The following LUZP2 variants were observed in gnomAD, a reference collection of about 807,000 sequenced individuals.
LUZP2 encodes leucine zipper protein 2.
In LUZP2, 52 loss-of-function variants were observed where a neutral mutation model predicts 51.6. The observed-to-expected ratio is 1.01, with a 90% confidence interval of 0.81 to 1.27. The LOEUF is 1.27. Among genes scored for constraint, LUZP2 ranks in the 50% most tolerant of loss-of-function variants. The pLI is 0.00. For missense variants in LUZP2, 436 were observed against 395.4 expected, an observed-to-expected ratio of 1.10 and a Z score of -0.87; for synonymous variants, 154 against 137.3, an observed-to-expected ratio of 1.12 and a Z score of -0.85.
intron 1 of LUZP2, among the ~76,000 whole-genome samples, chr11:24,682,801 C>T (rs1014237161): frequency 4.0e-5 from 6 of 151,696 alleles, no homozygotes; most frequent in Admixed American, 2.6e-4. Flanking sequence ...ATCAAGAGAT[C>T]GAGACCATCC....
intron 5 of LUZP2, among the ~76,000 whole-genome samples, chr11:24,818,358 T>G (rs900202761): frequency 4.6e-5 from 7 of 152,098 alleles, no homozygotes; most frequent in African/African-American, 1.7e-4. Context: ...CTGCTGGGCA[T>G]ATTTTGTTTC....
intron 7 of LUZP2, among the ~76,000 whole-genome samples, chr11:24,922,470 A>G (rs1196101348): frequency 6.6e-6 from 1 of 152,152 alleles, no homozygotes; most frequent in Non-Finnish European, 1.5e-5. Flanking sequence ...ATTTTTGTGC[A>G]TCTGTCTCAT....
chr11:24,998,321 G>A (rs967322734), intron 9 of LUZP2, among the ~76,000 whole-genome samples: 5 of 152,116 alleles, frequency 3.3e-5, no homozygotes, highest in Non-Finnish European at 5.9e-5. Flanking sequence ...AGTTCTCCTT[G>A]AAGAGGTCCT....
chr11:24,653,701 A>G (rs1203443966), intron 1 of LUZP2, among the ~76,000 whole-genome samples: 1 of 152,154 alleles, frequency 6.6e-6, no homozygotes, highest in African/African-American at 2.4e-5. Flanking sequence ...GGATGTGAGA[A>G]GAAAATACAA....
chr11:25,013,032 TC>T (rs1857028014), intron 9 of LUZP2, among the ~76,000 whole-genome samples: 1 of 152,112 alleles, frequency 6.6e-6, no homozygotes, highest in South Asian at 2.1e-4. Context: ...AATGGAATAC[TC>T]CACAGGTATA....
At chr11:24,706,412 A>G (rs1430141930) in intron 1 of LUZP2, among the ~76,000 whole-genome samples, 1 of 152,178 alleles carries the variant, frequency 6.6e-6, no homozygotes, top group Non-Finnish European at 1.5e-5. Context: ...CCTGGGAAGA[A>G]GCAAATCCAG....
In LUZP2 at chr11:24,925,889, C is replaced by A. The variant is rs532868571; in HGVS notation, c.522+11351C>A. 3.9e-5 allele frequency among the ~76,000 whole-genome samples: 6 copies of A among 151,978 alleles called. No homozygotes were observed. In the South Asian group the frequency reaches 1.0e-3, roughly 26 times the overall value. ...CAATGTGTAGTCATTTATCCCTCAC[C>A]TCCCTCGCACTTTTTCTTTTGAGTC... On this transcript the variant is annotated intron_variant, in intron 7 of 11. Coordinates refer to ENST00000336930, the MANE Select transcript of LUZP2 (RefSeq NM_001009909.4).
intron 5 of LUZP2, among the ~76,000 whole-genome samples, chr11:24,894,175 A>ATTTT (rs35929813): frequency 2.2e-4 from 29 of 134,876 alleles, no homozygotes; most frequent in African/African-American, 7.1e-4. Context: ...AAAGTAATTC[A>ATTTT]TTTTTTTTTT....
intron 5 of LUZP2, among the ~76,000 whole-genome samples, chr11:24,816,357 G>T (rs958554253): frequency 2.6e-5 from 4 of 151,744 alleles, no homozygotes; most frequent in African/African-American, 9.7e-5. Flanking sequence ...TTATAGCAAT[G>T]CATGATAAAT....
chr11:24,776,344 G>A (rs1197178087), intron 5 of LUZP2, among the ~76,000 whole-genome samples: 1 of 149,736 alleles, frequency 6.7e-6, no homozygotes, highest in East Asian at 1.9e-4. Flanking sequence ...ACATTCCTGA[G>A]TCAACCACCA....
intron 9 of LUZP2, among the ~76,000 whole-genome samples, chr11:25,034,991 T>G (rs1857807121): frequency 6.6e-6 from 1 of 152,074 alleles, no homozygotes; most frequent in African/African-American, 2.4e-5. Context: ...CAACATTCTT[T>G]TGTCATAAAA....
At chr11:24,804,569 G>T (rs1486017152) in intron 5 of LUZP2, among the ~76,000 whole-genome samples, 2 of 152,088 alleles carry the variant, frequency 1.3e-5, no homozygotes, top group Non-Finnish European at 2.9e-5. Context: ...TAACAAACTG[G>T]GGTAAACTTA....
At chr11:25,023,122 T>C (rs1380446790) in intron 9 of LUZP2, among the ~76,000 whole-genome samples, 1 of 152,122 alleles carries the variant, frequency 6.6e-6, no homozygotes, top group Non-Finnish European at 1.5e-5. Flanking sequence ...TTTTTTGTTG[T>C]GTCTCTGCCA....
At chr11:24,774,207 C>T (rs1053394109) in intron 5 of LUZP2, among the ~76,000 whole-genome samples, 12 of 151,414 alleles carry the variant, frequency 7.9e-5, no homozygotes, top group East Asian at 5.9e-4. Context: ...ATGCTTCCTG[C>T]GCTCGAACAT....
chr11:24,956,700 A>G (rs2093352529), intron 7 of LUZP2, among the ~76,000 whole-genome samples: 1 of 152,078 alleles, frequency 6.6e-6, no homozygotes, highest in Non-Finnish European at 1.5e-5. Flanking sequence ...AGAAAACAAG[A>G]AGGAAGAACA....
chr11:24,672,734 C>T (rs1448775191), intron 1 of LUZP2, among the ~76,000 whole-genome samples: 3 of 152,190 alleles, frequency 2.0e-5, no homozygotes, highest in African/African-American at 7.2e-5. Flanking sequence ...TAGTCAACTA[C>T]ACACCTAAGC....
intron 1 of LUZP2, among the ~76,000 whole-genome samples, chr11:24,644,762 C>CAT (rs1280450064): frequency 3.3e-5 from 5 of 152,134 alleles, no homozygotes; most frequent in Non-Finnish European, 7.3e-5. Context: ...ACTGTGTTAG[C>CAT]ATATACATTT....
chr11:25,037,636 T>A (rs1412737127), intron 9 of LUZP2, among the ~76,000 whole-genome samples: 1 of 152,170 alleles, frequency 6.6e-6, no homozygotes, highest in Non-Finnish European at 1.5e-5. Flanking sequence ...CTTAAAGACC[T>A]CTGATAAGGC....
At chr11:24,792,094 C>T (rs1179533823) in intron 5 of LUZP2, among the ~76,000 whole-genome samples, 1 of 151,666 alleles carries the variant, frequency 6.6e-6, no homozygotes, top group African/African-American at 2.4e-5. Flanking sequence ...ATGCATTTAG[C>T]TCTTGTGACC....
Sources: allele counts gnomAD v4.1 joint callset (sites outside exome capture counted in the v4.1 genomes callset), GRCh38; gene constraint gnomAD v4.1.1; transcripts MANE v1.5; gene names NCBI Gene and HGNC (gene_info 2026-07-23, HGNC 2026-07-21).